Variants in MOXD1 observed in about 807,000 individuals in gnomAD.
MOXD1 encodes DBH-like monooxygenase protein 1.
Under a neutral mutation model 66.6 loss-of-function variants are expected in MOXD1, and 62 were observed. The ratio of observed to expected loss-of-function variants is 0.93; its 90% CI spans 0.76 to 1.15. MOXD1 has a LOEUF of 1.15. Among genes scored for constraint, MOXD1 ranks in the 50% most tolerant of loss-of-function variants. MOXD1 has a pLI of 0.00. For synonymous variants in MOXD1, 303 were observed against 281.9 expected (o/e 1.07, Z -0.75); for missense variants, 847 against 754.6 (o/e 1.12, Z -1.44).
chr6:132,308,512 T>C (rs1225753196), intron 10 of MOXD1, among the ~76,000 whole-genome samples: 1 of 152,174 alleles, frequency 6.6e-6, no homozygotes, highest in Non-Finnish European at 1.5e-5. Flanking sequence ...CCTCCCTAAC[T>C]CATTTTATGA....
At chr6:132,400,263 C>T (rs757571392) in intron 1 of MOXD1, among the ~76,000 whole-genome samples, 74 of 152,154 alleles carry the variant, frequency 4.9e-4, no homozygotes, top group Non-Finnish European at 8.4e-4. Flanking sequence ...TGGATCAAGA[C>T]TTTTAGCAAA....
chr6:132,352,468 T>C lies in MOXD1; in HGVS notation c.663+20140A>G, dbSNP rs1775819957. Among the ~76,000 whole-genome samples the C allele has an allele frequency of 2.0e-5, 3 of 152,218 alleles. No homozygotes were observed. In the South Asian group the frequency reaches 6.2e-4, roughly 31 times the overall value. On this transcript the variant is annotated intron_variant, in intron 4 of 11. Transcript: ENST00000367963. ...GAAGGTTCTGTTTAGAGTTGATTTC[T>C]AGTTTTATTCCACTGTGGTCTGAGA...
At chr6:132,369,011 C>G (rs113052187) in intron 4 of MOXD1, among the ~76,000 whole-genome samples, 3 of 152,060 alleles carry the variant, frequency 2.0e-5, no homozygotes, top group African/African-American at 7.2e-5. Flanking sequence ...TGTGGTCTCT[C>G]TCTCTCTCAA....
chr6:132,396,736 T>C (rs1226261094), intron 1 of MOXD1, among the ~76,000 whole-genome samples: 1 of 152,198 alleles, frequency 6.6e-6, no homozygotes, highest in African/African-American at 2.4e-5. Context: ...CAGGGACTAT[T>C]ATGAACAACA....
intron 4 of MOXD1, among the ~76,000 whole-genome samples, chr6:132,333,065 T>G (rs1054392261): frequency 1.2e-4 from 19 of 152,214 alleles, no homozygotes; most frequent in East Asian, 3.9e-4. Context: ...GGCCGGGCGC[T>G]GTGGCTCACG....
intron 11 of MOXD1, among the ~76,000 whole-genome samples, chr6:132,297,570 C>G (rs1254106847): frequency 6.6e-6 from 1 of 152,188 alleles, no homozygotes; most frequent in Non-Finnish European, 1.5e-5. Flanking sequence ...TGTTCCTGCT[C>G]TATCCCAACC....
chr6:132,366,828 T>G (rs1776151748), intron 4 of MOXD1, among the ~76,000 whole-genome samples: 1 of 152,128 alleles, frequency 6.6e-6, no homozygotes, highest in Non-Finnish European at 1.5e-5. Flanking sequence ...TCATGTTAGG[T>G]GCCTACTATA....
At chr6:132,312,297 G>C (rs1362633725) in intron 10 of MOXD1, among the ~76,000 whole-genome samples, 2 of 151,950 alleles carry the variant, frequency 1.3e-5, no homozygotes, top group Non-Finnish European at 1.5e-5. Flanking sequence ...TATATGAAAA[G>C]CACAGAATAG....
chr6:132,383,504 C>A (rs547597929), intron 1 of MOXD1, among the ~76,000 whole-genome samples: 1 of 152,240 alleles, frequency 6.6e-6, no homozygotes, highest in Non-Finnish European at 1.5e-5. Flanking sequence ...GAAAGAGGCC[C>A]ACCTGAGCAA....
intron 4 of MOXD1, among the ~76,000 whole-genome samples, chr6:132,346,901 C>A (rs1037014030): frequency 6.6e-5 from 10 of 152,192 alleles, no homozygotes; most frequent in Non-Finnish European, 1.5e-5. Context: ...TCTCATCCAA[C>A]AAGCATTTAC....
At position 132,328,610 on chromosome 6, in the gene MOXD1, T is replaced by C; in HGVS notation, c.664-16A>G. 1.2e-6 allele frequency: 2 copies of C among 1,611,010 alleles called. No individual in the cohort carries two copies. Among genetic ancestry groups the C allele is most frequent in the Non-Finnish European group, 1.7e-6 (2 of 1,177,854 alleles). ...CTGGCTCAACCTACACGAACATAAA[T>C]GAGAGGGAGGACACAATAAATAAGA... On this transcript the variant is annotated splice_polypyrimidine_tract_variant and intron_variant, in intron 4 of 11. Coordinates refer to ENST00000367963, the MANE Select transcript of MOXD1 (RefSeq NM_015529.4).
intron 1 of MOXD1, among the ~76,000 whole-genome samples, chr6:132,375,806 C>T (rs1176031462): frequency 6.6e-6 from 1 of 152,194 alleles, no homozygotes. Context: ...TGACTCCCAG[C>T]TGTACTCCTA....
intron 4 of MOXD1, among the ~76,000 whole-genome samples, chr6:132,336,712 T>C (rs1775447173): frequency 6.6e-6 from 1 of 151,944 alleles, no homozygotes; most frequent in African/African-American, 2.4e-5. Context: ...CATGAGGTGA[T>C]GGCAAGAAGA....
rs1774886259 is a variant in MOXD1, at chr6:132,313,955, G to A, written c.1508+1680C>T. Among the ~76,000 whole-genome samples the A allele has an allele frequency of 2.0e-5, 3 of 151,886 alleles. No homozygotes were observed. The South Asian group carries it at 6.2e-4, about 32-fold the overall frequency. On this transcript the variant is annotated intron_variant, in intron 10 of 11. Transcript: ENST00000367963. ...AAAAACAAAAACAAAACCTCTATGTGTATATTTTCTCTAATTACATAATTA... is the reference window on the plus strand; with the variant it reads ...AAAAACAAAAACAAAACCTCTATGTATATATTTTCTCTAATTACATAATTA...
intron 4 of MOXD1, among the ~76,000 whole-genome samples, chr6:132,340,638 A>AT (rs869205496): frequency 0.033 from 3,235 of 98,664 alleles, 475 homozygotes; most frequent in South Asian, 0.064. Flanking sequence ...AACAAGACTC[A>AT]TTTTTTTTTT....
At chr6:132,369,812 A>C (rs1776228661) in intron 4 of MOXD1, among the ~76,000 whole-genome samples, 1 of 152,100 alleles carries the variant, frequency 6.6e-6, no homozygotes, top group Admixed American at 6.6e-5. Context: ...ATGGCATGCA[A>C]CTTAAAATTT....
chr6:132,365,865 A>G (rs1490694527), intron 4 of MOXD1, among the ~76,000 whole-genome samples: 1 of 152,130 alleles, frequency 6.6e-6, no homozygotes, highest in African/African-American at 2.4e-5. Context: ...TTTCTGTACA[A>G]AGTTACAGTT....
At chr6:132,307,912 G>C (rs553706411) in intron 10 of MOXD1, among the ~76,000 whole-genome samples, 15 of 152,218 alleles carry the variant, frequency 9.9e-5, no homozygotes, top group East Asian at 5.8e-4. Context: ...ACATCAGAAA[G>C]CTAGAAAGAT....
chr6:132,340,891 C>T (rs1268280314), intron 4 of MOXD1, among the ~76,000 whole-genome samples: 1 of 152,108 alleles, frequency 6.6e-6, no homozygotes, highest in Non-Finnish European at 1.5e-5. Context: ...CGTGATCCGC[C>T]CGCCTCGGCC....
Sources: allele counts gnomAD v4.1 joint callset (sites outside exome capture counted in the v4.1 genomes callset), GRCh38; gene constraint gnomAD v4.1.1; transcripts MANE v1.5; gene names NCBI Gene and HGNC (gene_info 2026-07-23, HGNC 2026-07-21).